TNFRSF21: variants seen among roughly 807,000 people sequenced by gnomAD.
TNFRSF21 encodes the protein TNF receptor superfamily member 21.
Under a neutral mutation model 45.6 loss-of-function variants are expected in TNFRSF21, and 19 were observed. That is an observed-to-expected ratio of 0.42 (90% confidence interval 0.29 to 0.61). The LOEUF (loss-of-function observed/expected upper bound fraction) is 0.61. TNFRSF21 is among the 20% of genes least tolerant of loss of function. The pLI is 0.23. For missense variants in TNFRSF21, 737 were observed against 851.5 expected (o/e 0.87, Z 1.67); for synonymous variants, 314 against 335.5 (o/e 0.94, Z 0.70).
chr6:47,268,229 G>A (rs1032407363), intron 3 of TNFRSF21, among the ~76,000 whole-genome samples: 3 of 152,134 alleles, frequency 2.0e-5, no homozygotes, highest in African/African-American at 7.2e-5. Flanking sequence ...AAATTGGCAC[G>A]ATCCTGACAT....
chr6:47,233,095 C>A, intron 5 of TNFRSF21, 101 bp from the exon 6 acceptor site: 4 of 997,178 alleles, frequency 4.0e-6, no homozygotes, highest in Non-Finnish European at 4.5e-6. Context: ...CATCTATGTC[C>A]CCCCCAGCCT....
chr6:47,298,100 T>C (rs1441779763), intron 1 of TNFRSF21, among the ~76,000 whole-genome samples: 1 of 151,954 alleles, frequency 6.6e-6, no homozygotes, highest in East Asian at 1.9e-4. Flanking sequence ...GTACATTAGA[T>C]AACTAGGGCA....
chr6:47,242,788 C>G (rs1454835373), intron 4 of TNFRSF21, among the ~76,000 whole-genome samples: 1 of 152,214 alleles, frequency 6.6e-6, no homozygotes, highest in African/African-American at 2.4e-5. Flanking sequence ...TGGTTCAGAG[C>G]TGGAGCCCAC....
At chr6:47,308,721 G>A (rs560283033) in intron 1 of TNFRSF21, among the ~76,000 whole-genome samples, 2 of 152,210 alleles carry the variant, frequency 1.3e-5, no homozygotes, top group African/African-American at 2.4e-5. Context: ...TTCCAGTGCC[G>A]GCGCGCTGGC....
At chr6:47,243,185 C>T (rs28501478) in intron 4 of TNFRSF21, among the ~76,000 whole-genome samples, 16,462 of 152,048 alleles carry the variant, frequency 0.11, 1,604 homozygotes, top group African/African-American at 0.26. Flanking sequence ...AACCTTTGAC[C>T]TTAACCTCTG....
At position 47,286,208 on chromosome 6, in the gene TNFRSF21, C is replaced by G; in HGVS notation, c.484G>C (p.Glu162Gln). The G allele has an allele frequency of 6.2e-7, 1 of 1,614,256 alleles. No homozygotes were observed. The highest frequency in any genetic ancestry group is 8.5e-7 in the Non-Finnish European group (1 of 1,180,048). Reference sequence around the variant, plus strand: ...TGCTTACACCGCACATCCTCAGTCTCTGTCCCTTTCTTCCGCACACCCCAA... The same window carrying G: ...TGCTTACACCGCACATCCTCAGTCTGTGTCCCTTTCTTCCGCACACCCCAA... ...VGWGVRKKGT[E>Q]TEDVRCKQCA... is the part of the protein sequence containing the mutation. Residue 162 changes from glutamate (E) to glutamine (Q), a missense_variant, in exon 2 of 6, where the codon GAG becomes CAG. By Grantham distance (29) the Glu-to-Gln change is conservative. Coordinates refer to ENST00000296861, the MANE Select transcript of TNFRSF21 (RefSeq NM_014452.5).
At chr6:47,260,107 T>A in intron 3 of TNFRSF21, among the ~76,000 whole-genome samples, 1 of 152,136 alleles carries the variant, frequency 6.6e-6, no homozygotes, top group East Asian at 1.9e-4. Context: ...ACAAGTGTCA[T>A]TGGGCCAATG....
intron 1 of TNFRSF21, among the ~76,000 whole-genome samples, chr6:47,290,819 C>T (rs1206596806): frequency 6.6e-6 from 1 of 152,194 alleles, no homozygotes; most frequent in East Asian, 1.9e-4. Flanking sequence ...ACTATGAATT[C>T]ACTGGACAAA....
At chr6:47,269,951 C>T (rs974909540) in intron 3 of TNFRSF21, among the ~76,000 whole-genome samples, 3 of 152,242 alleles carry the variant, frequency 2.0e-5, no homozygotes, top group African/African-American at 7.2e-5. Flanking sequence ...TAACCCCAGC[C>T]TCTACCCGTA....
At chr6:47,262,674 G>C (rs1463236057) in intron 3 of TNFRSF21, among the ~76,000 whole-genome samples, 1 of 152,186 alleles carries the variant, frequency 6.6e-6, no homozygotes, top group Non-Finnish European at 1.5e-5. Flanking sequence ...AAGCTGTGCA[G>C]ATTATCTGTG....
At chr6:47,283,248 G>T (rs1014255270) in intron 3 of TNFRSF21, among the ~76,000 whole-genome samples, 2 of 152,140 alleles carry the variant, frequency 1.3e-5, no homozygotes, top group Non-Finnish European at 2.9e-5. Context: ...CCTCAAAAGA[G>T]GAAAGGCCAA....
At chr6:47,257,498 C>T (rs1208994150) in intron 3 of TNFRSF21, among the ~76,000 whole-genome samples, 1 of 152,218 alleles carries the variant, frequency 6.6e-6, no homozygotes, top group Non-Finnish European at 1.5e-5. Context: ...CACATTATCA[C>T]AAAACCCCAG....
At chr6:47,242,556 G>A (rs1764760873) in intron 4 of TNFRSF21, among the ~76,000 whole-genome samples, 1 of 152,164 alleles carries the variant, frequency 6.6e-6, no homozygotes, top group African/African-American at 2.4e-5. Flanking sequence ...CAGGAGAAAA[G>A]CCACAACAAA....
intron 3 of TNFRSF21, among the ~76,000 whole-genome samples, chr6:47,258,839 G>A (rs757632238): frequency 6.6e-6 from 1 of 152,184 alleles, no homozygotes; most frequent in Non-Finnish European, 1.5e-5. Context: ...GTAAATATTT[G>A]AGGCTTTGAA....
intron 3 of TNFRSF21, among the ~76,000 whole-genome samples, chr6:47,276,209 A>G (rs1395898774): frequency 6.6e-6 from 1 of 152,176 alleles, no homozygotes; most frequent in Non-Finnish European, 1.5e-5. Context: ...GGTACATGGC[A>G]GGTACACCTG....
intron 3 of TNFRSF21, among the ~76,000 whole-genome samples, chr6:47,269,878 A>G (rs1762390645): frequency 6.6e-6 from 1 of 152,238 alleles, no homozygotes; most frequent in African/African-American, 2.4e-5. Context: ...CACTTAGCCT[A>G]TAACCTGCAT....
chr6:47,235,676 A>G (rs6910385), intron 4 of TNFRSF21, among the ~76,000 whole-genome samples: 47,268 of 152,086 alleles, frequency 0.31, 8,248 homozygotes, highest in East Asian at 0.57. Flanking sequence ...AGGGCCAACA[A>G]GGAAGTCACA....
intron 4 of TNFRSF21, among the ~76,000 whole-genome samples, chr6:47,244,777 A>C (rs947568656): frequency 3.9e-5 from 6 of 152,210 alleles, no homozygotes; most frequent in Non-Finnish European, 8.8e-5. Context: ...AATGGTGAAA[A>C]ATAAGTGATG....
intron 3 of TNFRSF21, among the ~76,000 whole-genome samples, chr6:47,271,397 T>A (rs901160859): frequency 1.3e-5 from 2 of 150,888 alleles, no homozygotes; most frequent in African/African-American, 2.4e-5. Flanking sequence ...ATCCAGAATA[T>A]CATATCCAGC....
Sources: gnomAD v4.1 joint callset for allele counts (sites outside exome capture counted in the v4.1 genomes callset) on GRCh38, gnomAD v4.1.1 for gene constraint, MANE v1.5 for transcripts, NCBI Gene and HGNC (gene_info 2026-07-23, HGNC 2026-07-21) for gene names.